The following SLC39A11 variants were observed in gnomAD, a reference collection of about 807,000 sequenced individuals.
SLC39A11 encodes zinc transporter ZIP11.
Under a neutral mutation model 36.1 loss-of-function variants are expected in SLC39A11, and 33 were observed. That is an observed-to-expected ratio of 0.91 (90% CI 0.69 to 1.22). The LOEUF (loss-of-function observed/expected upper bound fraction) is 1.22. Ranked by LOEUF, SLC39A11 falls within the 50% of genes most tolerant of loss-of-function variation. SLC39A11 has a pLI of 0.00. For missense variants in SLC39A11, 432 were observed against 430.3 expected (o/e 1.00, Z -0.03); for synonymous variants, 166 against 170.3 (o/e 0.97, Z 0.20).
chr17:72,648,742 C>T (rs2143826455), intron 9 of SLC39A11, 61 bp downstream of exon 9: 2 of 1,601,522 alleles, frequency 1.2e-6, no homozygotes, highest in African/African-American at 1.3e-5. Context: ...GAGCATATCC[C>T]AAGGCTGGGG....
chr17:73,016,618 G>A, intron 4 of SLC39A11, among the ~76,000 whole-genome samples: 1 of 152,202 alleles, frequency 6.6e-6, no homozygotes, highest in Non-Finnish European at 1.5e-5. Context: ...ACAGGCGTGA[G>A]CCACCACACC....
chr17:73,080,699 C>A (rs1475054482), intron 3 of SLC39A11, among the ~76,000 whole-genome samples: 2 of 152,170 alleles, frequency 1.3e-5, no homozygotes, highest in Admixed American at 6.5e-5. Context: ...GGTCCCAGCA[C>A]TCTGGGAGGC....
chr17:72,781,998 T>C (rs547863446), intron 6 of SLC39A11, among the ~76,000 whole-genome samples: 3 of 152,262 alleles, frequency 2.0e-5, no homozygotes, highest in African/African-American at 7.2e-5. Flanking sequence ...ATACATATAT[T>C]CAAGTCCCAA....
intron 7 of SLC39A11, among the ~76,000 whole-genome samples, chr17:72,674,451 G>A: frequency 6.6e-6 from 1 of 152,054 alleles, no homozygotes; most frequent in East Asian, 1.9e-4. Flanking sequence ...TCCCACATAT[G>A]GGCATTTAGG....
chr17:72,746,677 G>A (rs1050405267), intron 6 of SLC39A11, among the ~76,000 whole-genome samples: 11 of 152,170 alleles, frequency 7.2e-5, no homozygotes, highest in Non-Finnish European at 1.3e-4. Flanking sequence ...GGCGGAGCTT[G>A]CAGTGAGCTG....
rs545458345 is a variant in SLC39A11, at chr17:73,055,042, C to T, written c.148-23328G>A. Among the ~76,000 whole-genome samples, 5 of 152,208 alleles carry T rather than the reference C, an allele frequency of 3.3e-5. 1 individual carries two copies. In the South Asian group the frequency reaches 1.0e-3, roughly 32 times the overall value. On this transcript the variant is annotated intron_variant, in intron 3 of 9. Coordinates refer to ENST00000255559, the MANE Select transcript of SLC39A11 (RefSeq NM_139177.4). ...GCCAGGTCCATGATGAGGTCATATG[C>T]TGGAGTAAATGACAAGCAAACTCTC...
At chr17:72,782,943 G>A (rs1279247473) in intron 6 of SLC39A11, among the ~76,000 whole-genome samples, 5 of 145,588 alleles carry the variant, frequency 3.4e-5, no homozygotes, top group South Asian at 2.2e-4. Context: ...CGGAGATTGC[G>A]GTGAGCTGAG....
intron 5 of SLC39A11, among the ~76,000 whole-genome samples, chr17:72,887,662 G>C (rs912244811): frequency 2.0e-5 from 3 of 152,156 alleles, no homozygotes; most frequent in African/African-American, 4.8e-5. Flanking sequence ...TGATATAAAA[G>C]ATTGCTTATT....
At chr17:72,929,812 T>C (rs2084273530) in intron 5 of SLC39A11, among the ~76,000 whole-genome samples, 1 of 152,092 alleles carries the variant, frequency 6.6e-6, no homozygotes, top group Non-Finnish European at 1.5e-5. Flanking sequence ...GAACTGCCAA[T>C]TGGTTCTAAG....
intron 4 of SLC39A11, among the ~76,000 whole-genome samples, chr17:72,950,674 G>A (rs2085796279): frequency 6.6e-6 from 1 of 152,164 alleles, no homozygotes; most frequent in Non-Finnish European, 1.5e-5. Flanking sequence ...AGGAATAAAA[G>A]GAGAACCATT....
At chr17:72,947,905 G>A (rs1045179634) in intron 4 of SLC39A11, 30 bp from the exon 5 acceptor site, 1 of 1,610,654 alleles carries the variant, frequency 6.2e-7, no homozygotes, top group African/African-American at 1.3e-5. Context: ...CATCACTAGA[G>A]CACCACTACT....
intron 4 of SLC39A11, among the ~76,000 whole-genome samples, chr17:72,967,884 G>A (rs1354174697): frequency 6.6e-6 from 1 of 152,158 alleles, no homozygotes; most frequent in Non-Finnish European, 1.5e-5. Context: ...CAGAGCTAAG[G>A]AGGGCGCTTT....
At chr17:72,900,157 GAAAGAAA>G (rs2082290274) in intron 5 of SLC39A11, among the ~76,000 whole-genome samples, 5 of 24,810 alleles carry the variant, frequency 2.0e-4, no homozygotes, top group Non-Finnish European at 4.9e-4. Context: ...AGAAAGAAAA[GAAAGAAA>G]GAAAGAAAGA....
intron 4 of SLC39A11, among the ~76,000 whole-genome samples, chr17:73,008,719 C>T (rs1007262093): frequency 6.6e-6 from 1 of 152,166 alleles, no homozygotes; most frequent in African/African-American, 2.4e-5. Context: ...CACAGTATGG[C>T]ACGCCCAAAC....
At chr17:72,908,034 C>T (rs1291423161) in intron 5 of SLC39A11, among the ~76,000 whole-genome samples, 1 of 152,192 alleles carries the variant, frequency 6.6e-6, no homozygotes, top group Non-Finnish European at 1.5e-5. Flanking sequence ...GCACTCCAAG[C>T]CTTCTATGAT....
At chr17:72,655,403 G>A (rs768698041) in intron 7 of SLC39A11, among the ~76,000 whole-genome samples, 4 of 152,338 alleles carry the variant, frequency 2.6e-5, no homozygotes, top group East Asian at 3.9e-4. Flanking sequence ...CAGACCTGAC[G>A]ACACATGCCA....
intron 6 of SLC39A11, among the ~76,000 whole-genome samples, chr17:72,776,558 TTGAC>T (rs1242592727): frequency 6.6e-6 from 1 of 151,184 alleles, no homozygotes; most frequent in Non-Finnish European, 1.5e-5. Context: ...TCGTTTCATA[TTGAC>T]TATTTTGTTT....
chr17:73,079,904 A>AAAT (rs976778383), intron 3 of SLC39A11, among the ~76,000 whole-genome samples: 4 of 152,118 alleles, frequency 2.6e-5, no homozygotes, highest in Non-Finnish European at 5.9e-5. Flanking sequence ...AATAGCTGCA[A>AAAT]AATAATAATA....
chr17:73,023,699 C>A (rs1428224297), intron 4 of SLC39A11, among the ~76,000 whole-genome samples: 1 of 152,184 alleles, frequency 6.6e-6, no homozygotes, highest in Non-Finnish European at 1.5e-5. Context: ...CTGTGTTAGC[C>A]AGGCTGGTCT....
Sources: gnomAD v4.1 joint callset for allele counts (sites outside exome capture counted in the v4.1 genomes callset) on GRCh38, gnomAD v4.1.1 for gene constraint, MANE v1.5 for transcripts, NCBI Gene and HGNC (gene_info 2026-07-23, HGNC 2026-07-21) for gene names.